IMMP2L: variants seen among roughly 807,000 people sequenced by gnomAD.
IMMP2L encodes mitochondrial inner membrane protease subunit 2.
In IMMP2L, 18 loss-of-function variants were observed where a neutral mutation model predicts 19.3. That is an observed-to-expected ratio of 0.93 (90% CI 0.64 to 1.38). The LOEUF (loss-of-function observed/expected upper bound fraction) is 1.38, where lower values mean the gene tolerates loss of function less well. IMMP2L is among the 40% of genes most tolerant of loss of function. The probability of loss-of-function intolerance (pLI) is 0.00; values close to 1 mark genes in which losing one functional copy is unlikely to be tolerated. For missense variants in IMMP2L, 233 were observed against 218.2 expected, an observed-to-expected ratio of 1.07 and a Z score of -0.43; for synonymous variants, 76 against 73.0, an observed-to-expected ratio of 1.04 and a Z score of -0.21.
chr7:110,940,728 A>G lies in IMMP2L; in HGVS notation c.305+22772T>C, dbSNP rs372809465. Reference sequence around the variant, plus strand: ...TATGTCACTCTCTTTTAGTAAATCAATAATGAAACAAACACAACAAACAAC... The same window carrying G: ...TATGTCACTCTCTTTTAGTAAATCAGTAATGAAACAAACACAACAAACAAC... On this transcript the variant is annotated intron_variant, in intron 4 of 5. Coordinates refer to ENST00000405709, the MANE Select transcript of IMMP2L (RefSeq NM_032549.4). Among the ~76,000 whole-genome samples the G allele has an allele frequency of 1.3e-4, 20 of 152,340 alleles. 1 individual carries two copies. The East Asian group carries it at 2.5e-3, about 19-fold the overall frequency.
At chr7:110,959,864 A>C (rs1297987652) in intron 4 of IMMP2L, among the ~76,000 whole-genome samples, 1 of 151,838 alleles carries the variant, frequency 6.6e-6, no homozygotes, top group Non-Finnish European at 1.5e-5. Context: ...TGCATCATTA[A>C]CCCTTGCTCT....
chr7:110,783,608 A>AT (rs1357107106), intron 5 of IMMP2L, among the ~76,000 whole-genome samples: 1 of 151,946 alleles, frequency 6.6e-6, no homozygotes, highest in Non-Finnish European at 1.5e-5. Flanking sequence ...GGAAGTGTGA[A>AT]TGTTTAAGTA....
intron 3 of IMMP2L, among the ~76,000 whole-genome samples, chr7:111,481,050 C>T (rs961747177): frequency 2.6e-5 from 4 of 152,040 alleles, no homozygotes; most frequent in African/African-American, 9.7e-5. Flanking sequence ...TCATACTTAT[C>T]GATAGAGAAG....
At chr7:111,418,913 C>T (rs1835205178) in intron 3 of IMMP2L, among the ~76,000 whole-genome samples, 1 of 151,790 alleles carries the variant, frequency 6.6e-6, no homozygotes, top group Non-Finnish European at 1.5e-5. Flanking sequence ...CTTTGATTTA[C>T]AGTTTATTTC....
chr7:111,187,490 C>T (rs925651013), intron 3 of IMMP2L, among the ~76,000 whole-genome samples: 25 of 152,024 alleles, frequency 1.6e-4, no homozygotes, highest in African/African-American at 5.1e-4. Flanking sequence ...AGTATTGTAA[C>T]GAGAATTCAA....
intron 3 of IMMP2L, among the ~76,000 whole-genome samples, chr7:111,014,410 C>T (rs1825289349): frequency 6.6e-6 from 1 of 151,974 alleles, no homozygotes; most frequent in African/African-American, 2.4e-5. Flanking sequence ...TACACACACA[C>T]TTATGTATGT....
chr7:111,520,949 G>T (rs1049176280), intron 2 of IMMP2L, among the ~76,000 whole-genome samples: 2 of 152,062 alleles, frequency 1.3e-5, no homozygotes, highest in African/African-American at 2.4e-5. Context: ...AACTGATTGT[G>T]ACTCAAACCC....
chr7:110,837,000 T>G (rs1804548033), intron 5 of IMMP2L, among the ~76,000 whole-genome samples: 1 of 152,086 alleles, frequency 6.6e-6, no homozygotes, highest in Non-Finnish European at 1.5e-5. Flanking sequence ...GAATCAGTAA[T>G]CTCAAGTTCA....
Position 110,721,727 on chromosome 7 carries a change from A to T in IMMP2L, c.409-58006T>A, listed in dbSNP as rs570400448. On this transcript the variant is annotated intron_variant, in intron 5 of 5. Transcript: ENST00000405709. The stretch of plus-strand genomic sequence containing the variant: ...CTTTGCTACTAAACAATGCTGAATG[A>T]CAATGTTAATTCAACAAGTATTAAC... Among the ~76,000 whole-genome samples the T allele has an allele frequency of 2.7e-3, 411 of 152,298 alleles. 24 individuals are homozygous for T. In the South Asian group the frequency reaches 0.08, roughly 30 times the overall value.
intron 3 of IMMP2L, among the ~76,000 whole-genome samples, chr7:111,051,089 G>A (rs1792960476): frequency 6.6e-6 from 1 of 152,166 alleles, no homozygotes; most frequent in South Asian, 2.1e-4. Context: ...AGTGAGCTAT[G>A]AGTGCGCCAC....
At chr7:110,942,872 G>A (rs1313397801) in intron 4 of IMMP2L, among the ~76,000 whole-genome samples, 1 of 151,922 alleles carries the variant, frequency 6.6e-6, no homozygotes, top group African/African-American at 2.4e-5. Flanking sequence ...CAAGTAATAT[G>A]ACAAATAAGG....
At chr7:110,764,609 T>A (rs940839559) in intron 5 of IMMP2L, among the ~76,000 whole-genome samples, 2 of 152,072 alleles carry the variant, frequency 1.3e-5, no homozygotes, top group African/African-American at 4.8e-5. Context: ...ACCTGACAAG[T>A]CAACAAACAT....
At chr7:110,858,776 CCA>C (rs1282526830) in intron 5 of IMMP2L, among the ~76,000 whole-genome samples, 2 of 151,868 alleles carry the variant, frequency 1.3e-5, no homozygotes, top group African/African-American at 4.8e-5. Flanking sequence ...ACAACAGTCC[CCA>C]GAGTGTGATG....
intron 3 of IMMP2L, among the ~76,000 whole-genome samples, chr7:111,008,945 A>G (rs1020021378): frequency 9.9e-5 from 15 of 152,166 alleles, no homozygotes; most frequent in African/African-American, 3.6e-4. Context: ...GAGTCATCTC[A>G]GTGTCAGTTA....
At chr7:111,414,734 A>G (rs1250098382) in intron 3 of IMMP2L, among the ~76,000 whole-genome samples, 1 of 151,880 alleles carries the variant, frequency 6.6e-6, no homozygotes, top group East Asian at 1.9e-4. Flanking sequence ...AGACTATCAT[A>G]ATAGGTGAAA....
At chr7:111,006,994 A>C (rs915432255) in intron 3 of IMMP2L, among the ~76,000 whole-genome samples, 12 of 152,120 alleles carry the variant, frequency 7.9e-5, no homozygotes, top group African/African-American at 2.9e-4. Context: ...TTTCTCTTGA[A>C]CCTACTTGTA....
intron 4 of IMMP2L, among the ~76,000 whole-genome samples, chr7:110,915,105 A>T (rs911886739): frequency 6.6e-6 from 1 of 152,190 alleles, no homozygotes; most frequent in Non-Finnish European, 1.5e-5. Context: ...ATCCAAAGGA[A>T]ATGAAAACAG....
chr7:111,360,506 T>C (rs1829160043), intron 3 of IMMP2L, among the ~76,000 whole-genome samples: 1 of 152,058 alleles, frequency 6.6e-6, no homozygotes, highest in African/African-American at 2.4e-5. Flanking sequence ...CGGCCAGATA[T>C]TGAAGAGATT....
intron 1 of IMMP2L, among the ~76,000 whole-genome samples, chr7:111,544,751 G>T (rs560814622): frequency 3.3e-5 from 5 of 151,356 alleles, no homozygotes; most frequent in African/African-American, 1.2e-4. Flanking sequence ...GAGAAGGGGA[G>T]GTTTACATTC....
Sources: gnomAD v4.1 joint callset for allele counts (sites outside exome capture counted in the v4.1 genomes callset) on GRCh38, gnomAD v4.1.1 for gene constraint, MANE v1.5 for transcripts, NCBI Gene and HGNC (gene_info 2026-07-23, HGNC 2026-07-21) for gene names.